The following EXOC6 variants were observed in gnomAD, a reference collection of about 807,000 sequenced individuals.
The protein encoded by EXOC6 is SEC15-like 1.
Under a neutral mutation model 112.5 loss-of-function variants are expected in EXOC6, and 60 were observed. The observed-to-expected ratio is 0.53, with a 90% CI of 0.43 to 0.66. EXOC6 has a LOEUF of 0.66. EXOC6 is among the 30% of genes least tolerant of loss of function. The probability of loss-of-function intolerance (pLI) is 0.00; values close to 1 mark genes in which losing one functional copy is unlikely to be tolerated. For missense variants in EXOC6, 855 were observed against 957.1 expected, an observed-to-expected ratio of 0.89 and a Z score of 1.41; for synonymous variants, 295 against 308.0, an observed-to-expected ratio of 0.96 and a Z score of 0.44.
intron 5 of EXOC6, among the ~76,000 whole-genome samples, chr10:92,905,913 C>T (rs941503246): frequency 1.4e-4 from 22 of 152,070 alleles, no homozygotes; most frequent in Non-Finnish European, 2.9e-5. Flanking sequence ...GCCTGCTGAA[C>T]CTGTCAATTA....
chr10:93,048,151 T>C (rs997080502), intron 20 of EXOC6, among the ~76,000 whole-genome samples: 5 of 152,036 alleles, frequency 3.3e-5, no homozygotes, highest in African/African-American at 1.2e-4. Flanking sequence ...CATTAGGAGA[T>C]ATACCTAATG....
intron 19 of EXOC6, among the ~76,000 whole-genome samples, chr10:93,008,996 G>A (rs1844121294): frequency 6.6e-6 from 1 of 152,158 alleles, no homozygotes; most frequent in Non-Finnish European, 1.5e-5. Flanking sequence ...AGGGCAGGAC[G>A]ACTGCTTGAG....
chr10:92,919,064 G>C (rs932251293), intron 7 of EXOC6, among the ~76,000 whole-genome samples: 1 of 152,000 alleles, frequency 6.6e-6, no homozygotes, highest in Admixed American at 6.6e-5. Context: ...TAAATATTCA[G>C]AGGACCTCTG....
At chr10:92,827,467 C>T (rs952160083) in intron 1 of EXOC6, among the ~76,000 whole-genome samples, 1 of 54,892 alleles carries the variant, frequency 1.8e-5, no homozygotes, top group Non-Finnish European at 3.6e-5. Flanking sequence ...GAGTGAGGCC[C>T]TGTTGCCAAA....
At chr10:93,037,144 CTTT>C (rs745466359) in intron 20 of EXOC6, among the ~76,000 whole-genome samples, 7 of 139,358 alleles carry the variant, frequency 5.0e-5, no homozygotes, top group Admixed American at 7.2e-5. Flanking sequence ...TCTTCTTCTA[CTTT>C]TTTTTTTTTT....
At chr10:93,036,010 C>T (rs189928589) in intron 20 of EXOC6, among the ~76,000 whole-genome samples, 176 of 152,284 alleles carry the variant, frequency 1.2e-3, no homozygotes, top group Non-Finnish European at 2.1e-3. Flanking sequence ...CACCGAAGGT[C>T]GGGAGTTCAA....
In EXOC6 at chr10:92,997,544, T is replaced by C; in HGVS notation, c.2024T>C (p.Leu675Pro). Residue 675 changes from leucine (L) to proline (P), a missense_variant, in exon 19 of 22, where the codon CTG becomes CCG. Physicochemically the swap from Leu to Pro is moderately conservative, Grantham distance 98 (BLOSUM62 -3). Transcript: ENST00000260762. Reference protein sequence around the residue: ...HLSTSLMQMLLDSELKQISMG... With the variant: ...HLSTSLMQMLPDSELKQISMG... The stretch of plus-strand genomic sequence containing the variant: ...TCAACATCCTTAATGCAGATGCTAC[T>C]GGACAGTGAGTTAAAACAAATAAGC... 6.2e-7 allele frequency: 1 copy of C among 1,613,770 alleles called. No individual in the cohort carries two copies. The highest frequency in any genetic ancestry group is 8.5e-7 in the Non-Finnish European group (1 of 1,179,746).
At chr10:92,848,392 C>T, upstream of EXOC6, 1 of 524,558 alleles carries the variant, frequency 1.9e-6, no homozygotes, top group Non-Finnish European at 2.5e-6. Flanking sequence ...CGCGCGCCTT[C>T]TGCCCGGCGT....
At chr10:93,006,332 CT>C (rs1843980552) in intron 19 of EXOC6, among the ~76,000 whole-genome samples, 1 of 152,114 alleles carries the variant, frequency 6.6e-6, no homozygotes, top group African/African-American at 2.4e-5. Context: ...ATTTCAGTGC[CT>C]TTTTAAAAAG....
chr10:92,934,093 T>C lies in EXOC6; in HGVS notation c.973-51T>C, dbSNP rs753065036. Reference sequence around the variant, plus strand: ...GTTGTAGTGACTTGGAACTTACCTTTATGTTACCAGTATTTATTGGTTTAA... The same window carrying C: ...GTTGTAGTGACTTGGAACTTACCTTCATGTTACCAGTATTTATTGGTTTAA... On this transcript the variant is annotated intron_variant, in intron 9 of 21. Transcript: ENST00000260762. The C allele has an allele frequency of 3.5e-6, 4 of 1,131,760 alleles. No individual in the cohort carries two copies. In the East Asian group the frequency reaches 9.5e-5, roughly 27 times the overall value. The allele number at this position is 1,131,760 out of a possible 1,614,324, so 70.1% of individuals were successfully genotyped here.
intron 2 of EXOC6, 120 bp downstream of exon 2, chr10:92,893,640 T>A: frequency 1.3e-6 from 1 of 780,702 alleles, no homozygotes; most frequent in East Asian, 2.5e-5. Context: ...AATTAGTATA[T>A]GTATTAGGGA....
intron 18 of EXOC6, among the ~76,000 whole-genome samples, chr10:92,975,036 G>A (rs1393783846): frequency 1.3e-5 from 2 of 151,402 alleles, no homozygotes; most frequent in Admixed American, 6.6e-5. Flanking sequence ...CATTGTCTGG[G>A]ACGTGAGGAG....
chr10:92,955,682 A>G lies in EXOC6; in HGVS notation c.1741A>G (p.Thr581Ala). The stretch of plus-strand genomic sequence containing the variant: ...AAATATTTCCCAAGAAACTGTTCAT[A>G]CTACAAGACTTTATGGACTTTCTAC... The part of the protein sequence containing the change: ...ITNISQETVH[T>A]TRLYGLSTFK... Residue 581 changes from threonine to alanine, a missense_variant, in exon 17 of 22, where the codon ACT becomes GCT. Transcript: ENST00000260762. 2 of 1,610,522 alleles carry G rather than the reference A, an allele frequency of 1.2e-6. No homozygotes were observed. The highest frequency in any genetic ancestry group is 1.7e-6 in the Non-Finnish European group (2 of 1,178,734).
chr10:93,044,547 C>T (rs952421550), intron 20 of EXOC6, among the ~76,000 whole-genome samples: 8 of 151,992 alleles, frequency 5.3e-5, no homozygotes, highest in Middle Eastern at 3.2e-3. Flanking sequence ...CTTCAGGATT[C>T]CAAGGCAAAA....
chr10:92,936,235 T>C (rs1852329779), intron 12 of EXOC6, among the ~76,000 whole-genome samples: 1 of 152,272 alleles, frequency 6.6e-6, no homozygotes, highest in African/African-American at 2.4e-5. Flanking sequence ...AAGTGGGTTC[T>C]AGAATCACAT....
chr10:92,909,603 A>C lies in EXOC6; in HGVS notation c.635A>C (p.Asp212Ala), dbSNP rs1291530362. ...DFLESIRKHS[D>A]KIGETAMKQA... ...TTGGAAAGTATTCGAAAACATTCTG[A>C]CAAAATAGGTGAAACAGCAATGAAA... Residue 212 changes from aspartate to alanine, a missense_variant, in exon 6 of 22, where the codon GAC (aspartate) becomes GCC (alanine). By Grantham distance (126) the Asp-to-Ala change is moderately radical. This residue lies in a region of EXOC6 where 405 missense variants were observed against 393.6 expected (regional missense o/e 1.03). Transcript: ENST00000260762. 1 of 1,611,012 alleles carries C rather than the reference A, an allele frequency of 6.2e-7. No individual in the cohort carries two copies. The highest frequency in any genetic ancestry group is 8.5e-7 in the Non-Finnish European group (1 of 1,177,942).
chr10:92,963,963 A>G (rs1055164908), intron 17 of EXOC6, among the ~76,000 whole-genome samples: 6 of 152,040 alleles, frequency 3.9e-5, no homozygotes, highest in African/African-American at 4.8e-5. Flanking sequence ...TTGCATGCGT[A>G]TAAGGCACAA....
chr10:92,973,864 AGATGT>A (rs1842393046), intron 17 of EXOC6, among the ~76,000 whole-genome samples, 184 bp from the exon 18 acceptor site: 1 of 152,240 alleles, frequency 6.6e-6, no homozygotes, highest in Admixed American at 6.5e-5. Context: ...AACTAAGAAA[AGATGT>A]GATGTGATAT....
chr10:92,898,345 A>G (rs1849944631), intron 4 of EXOC6, among the ~76,000 whole-genome samples: 1 of 151,516 alleles, frequency 6.6e-6, no homozygotes. Flanking sequence ...TGAGAGAATT[A>G]CTTGAGCCCA....
Sources: gnomAD v4.1 joint callset for allele counts (sites outside exome capture counted in the v4.1 genomes callset) on GRCh38, gnomAD v4.1.1 for gene constraint, gnomAD v4.1.1 regional missense constraint, MANE v1.5 for transcripts, NCBI Gene and HGNC (gene_info 2026-07-23, HGNC 2026-07-21) for gene names.